The following ADGRG2 variants were observed in gnomAD, a reference collection of about 807,000 sequenced individuals.
ADGRG2 encodes adhesion G protein-coupled receptor G2.
A neutral mutation model predicts 74.1 loss-of-function variants in ADGRG2; 26 were observed. The observed-to-expected ratio is 0.35, with a 90% CI of 0.26 to 0.49. The LOEUF is 0.49. Ranked by LOEUF, ADGRG2 falls within the 20% of genes least tolerant of loss-of-function variation. ADGRG2 has a pLI of 0.99. For missense variants in ADGRG2, 619 were observed against 763.1 expected (o/e 0.81, Z 2.22); for synonymous variants, 296 against 295.2 (o/e 1.00, Z -0.03).
chrX:19,019,466 A>G (rs1165710735), intron 15 of ADGRG2, 133 bp downstream of exon 15: 1 of 445,433 alleles, frequency 2.2e-6, no homozygotes, highest in Non-Finnish European at 4.0e-6. Context: ...TGGAAACTTC[A>G]TACTGCAGAA....
At chrX:18,995,388 T>C (rs989759450) in intron 27 of ADGRG2, among the ~76,000 whole-genome samples, 2 of 112,036 alleles carry the variant, frequency 1.8e-5, no homozygotes, top group Non-Finnish European at 3.8e-5. Context: ...TAATGACTAA[T>C]TGTTCTTCAC....
At chrX:19,065,110 A>C (rs1000900066) in intron 3 of ADGRG2, among the ~76,000 whole-genome samples, 1 of 108,097 alleles carries the variant, frequency 9.3e-6, no homozygotes, top group Non-Finnish European at 1.9e-5. Flanking sequence ...TCTCTACAAA[A>C]AATTTAAAAA....
intron 3 of ADGRG2, among the ~76,000 whole-genome samples, chrX:19,040,462 A>T (rs1281818066): frequency 8.9e-6 from 1 of 112,349 alleles, no homozygotes; most frequent in East Asian, 2.8e-4. Flanking sequence ...AAAAAATAAG[A>T]TAAAATTAGT....
intron 15 of ADGRG2, among the ~76,000 whole-genome samples, chrX:19,018,866 G>A (rs904320377): frequency 2.7e-5 from 3 of 110,702 alleles, no homozygotes; most frequent in Admixed American, 9.6e-5. Context: ...TTTTTGAGAC[G>A]GAGTCTTGCA....
intron 10 of ADGRG2, among the ~76,000 whole-genome samples, 162 bp from the exon 11 acceptor site, chrX:19,027,436 G>C (rs1204536159): frequency 1.8e-5 from 2 of 112,289 alleles, no homozygotes; most frequent in African/African-American, 3.2e-5. Context: ...TGATCAAGCT[G>C]CAGTTTTATA....
chrX:18,999,221 T>A lies in ADGRG2; in HGVS notation c.2389A>T (p.Ile797Leu). ...YITVVGYFCV[I>L]FLLNVSMFIV... is the part of the protein sequence containing the mutation. ...AACATGCTGACGTTCAGCAAAAATA[T>A]CACACAGAAATATCCCACCACCGTA... Residue 797 changes from isoleucine (I) to leucine (L), a missense_variant, in exon 26 of 29, where the codon ATA becomes TTA. By Grantham distance (5) the Ile-to-Leu change is conservative. This residue lies in a region of ADGRG2 where 221 missense variants were observed against 340.6 expected (regional missense o/e 0.65). Transcript: ENST00000379869. 1 of 1,207,895 alleles carries A rather than the reference T, an allele frequency of 8.3e-7. No homozygotes were observed. The highest frequency in any genetic ancestry group is 1.1e-6 in the Non-Finnish European group (1 of 892,369).
Position 19,021,153 on chromosome X carries a change from A to C in ADGRG2, c.594T>G (p.Asn198Lys). The stretch of plus-strand genomic sequence containing the variant: ...CCAAAGCAGCTATTACAGCACATGC[A>C]TTCATTGTATTATTCAGTTTTATTG... ...TFTIKLNNTM[N>K]ACAVIAALER... The change falls in exon 14 of 29, where the codon AAT (asparagine) becomes AAG (lysine). Residue 198 changes from asparagine (N) to lysine (K), a missense_variant. Transcript: ENST00000379869. 1 of 1,119,978 alleles carries C rather than the reference A, an allele frequency of 8.9e-7. No individual in the cohort carries two copies. Among genetic ancestry groups the C allele is most frequent in the Non-Finnish European group, 1.2e-6 (1 of 812,398 alleles). 92.3% of individuals were successfully genotyped at this position (1,119,978 alleles called of 1,213,427 possible). A position where few individuals can be genotyped will look rare whatever the true frequency, so the allele number is the denominator to read the frequency against.
chrX:19,062,814 T>C (rs2061507198), intron 3 of ADGRG2, among the ~76,000 whole-genome samples: 2 of 110,282 alleles, frequency 1.8e-5, no homozygotes, highest in Non-Finnish European at 3.8e-5. Flanking sequence ...CACAGAAAGA[T>C]CTAGACCCAG....
intron 1 of ADGRG2, among the ~76,000 whole-genome samples, chrX:19,096,408 T>C (rs946214704): frequency 1.2e-5 from 1 of 84,841 alleles, no homozygotes; most frequent in African/African-American, 4.9e-5. Flanking sequence ...CGAGACTCTA[T>C]CTAAAAAAAA....
intron 3 of ADGRG2, 40 bp from the exon 4 acceptor site, chrX:19,040,264 G>A (rs769294113): frequency 3.3e-6 from 3 of 916,997 alleles, no homozygotes; most frequent in East Asian, 3.1e-5. Context: ...AGTTTCATGA[G>A]GACTAAAATC....
chrX:19,068,695 T>G (rs190938245), intron 3 of ADGRG2, 22 bp downstream of exon 3: 1 of 640,463 alleles, frequency 1.6e-6, no homozygotes. Flanking sequence ...AAAAAAAAAA[T>G]GAAGAAAAAC....
At chrX:19,078,415 G>T (rs765117395) in intron 2 of ADGRG2, among the ~76,000 whole-genome samples, 1 of 110,212 alleles carries the variant, frequency 9.1e-6, no homozygotes, top group African/African-American at 3.3e-5. Flanking sequence ...AAATTAGCCG[G>T]GCATGGTGGT....
chrX:19,115,154 A>G (rs2062488290), intron 1 of ADGRG2, among the ~76,000 whole-genome samples: 2 of 111,740 alleles, frequency 1.8e-5, no homozygotes, highest in Admixed American at 1.9e-4. Flanking sequence ...TTCCACACTA[A>G]CATTGGAACA....
At chrX:19,110,015 G>A (rs1054042099) in intron 1 of ADGRG2, among the ~76,000 whole-genome samples, 1 of 111,851 alleles carries the variant, frequency 8.9e-6, no homozygotes. Flanking sequence ...TGTACTCTTG[G>A]GGAAAGACAA....
intron 1 of ADGRG2, among the ~76,000 whole-genome samples, chrX:19,096,645 C>T (rs1414680862): frequency 3.6e-5 from 4 of 111,536 alleles, no homozygotes; most frequent in Admixed American, 1.9e-4. Context: ...AGCCTTTTCA[C>T]TATTACAGAA....
At chrX:19,057,634 G>T (rs907989835) in intron 3 of ADGRG2, among the ~76,000 whole-genome samples, 2 of 111,003 alleles carry the variant, frequency 1.8e-5, no homozygotes, top group Admixed American at 1.9e-4. Context: ...GAGCCCAGGG[G>T]TTTGAGACCA....
chrX:19,091,299 C>T (rs2062012529), intron 1 of ADGRG2, among the ~76,000 whole-genome samples: 1 of 110,431 alleles, frequency 9.1e-6, no homozygotes, highest in Non-Finnish European at 1.9e-5. Flanking sequence ...TGTTCAGATT[C>T]ACATTTTGAC....
At chrX:19,114,124 G>A (rs758971410) in intron 1 of ADGRG2, among the ~76,000 whole-genome samples, 2 of 107,407 alleles carry the variant, frequency 1.9e-5, no homozygotes, top group South Asian at 8.3e-4. Flanking sequence ...AAGACAAAGA[G>A]GATGAGGGAC....
Position 18,996,904 on chromosome X carries a change from A to G in ADGRG2, c.2615-752T>C, listed in dbSNP as rs185978750. Among the ~76,000 whole-genome samples the G allele has an allele frequency of 1.1e-3, 127 of 111,231 alleles. No homozygotes were observed. The Admixed American group carries it at 0.012, about 11-fold the overall frequency. ...CTTTCTACTTAAAAACCCCCAATCT[A>G]TTCACTTTAAAACCTTCATTTTAAG... On this transcript the variant is annotated intron_variant, in intron 26 of 28. Transcript: ENST00000379869.
Sources: allele counts gnomAD v4.1 joint callset (sites outside exome capture counted in the v4.1 genomes callset), GRCh38; gene constraint gnomAD v4.1.1; regional missense constraint gnomAD v4.1.1; transcripts MANE v1.5; gene names NCBI Gene and HGNC (gene_info 2026-07-23, HGNC 2026-07-21).